Variants in DACH2 observed in about 807,000 individuals in gnomAD.
DACH2 encodes dachshund homolog 2.
In DACH2, 17 loss-of-function variants were observed where a neutral mutation model predicts 35.8. The ratio of observed to expected loss-of-function variants is 0.48; its 90% CI spans 0.33 to 0.71. The LOEUF is 0.71. Ranked by LOEUF, DACH2 falls within the 30% of genes least tolerant of loss-of-function variation. The pLI is 0.02. For synonymous variants in DACH2, 195 were observed against 177.3 expected, an observed-to-expected ratio of 1.10 and a Z score of -0.79; for missense variants, 469 against 472.7, an observed-to-expected ratio of 0.99 and a Z score of 0.07.
At chrX:86,224,397 A>G (rs1303358996) in intron 1 of DACH2, among the ~76,000 whole-genome samples, 2 of 111,717 alleles carry the variant, frequency 1.8e-5, no homozygotes, top group Non-Finnish European at 3.8e-5. Flanking sequence ...CTGATGGTTA[A>G]CACTGATGCA....
intron 5 of DACH2, among the ~76,000 whole-genome samples, chrX:86,698,445 G>T (rs184638405): frequency 9.4e-6 from 1 of 106,330 alleles, no homozygotes; most frequent in East Asian, 3.0e-4. Context: ...TGTAACGAAA[G>T]GAAGAGCACT....
intron 2 of DACH2, among the ~76,000 whole-genome samples, chrX:86,469,461 A>C (rs1466430476): frequency 9.0e-6 from 1 of 111,032 alleles, no homozygotes; most frequent in African/African-American, 3.3e-5. Context: ...AATATATATA[A>C]AATTTTACTT....
intron 5 of DACH2, among the ~76,000 whole-genome samples, chrX:86,710,711 A>G (rs775800099): frequency 2.7e-5 from 3 of 112,029 alleles, no homozygotes; most frequent in Non-Finnish European, 5.6e-5. Context: ...GCTAGAGTAC[A>G]GCATACAGAG....
At chrX:86,258,214 A>G (rs2033561051) in intron 1 of DACH2, among the ~76,000 whole-genome samples, 1 of 112,168 alleles carries the variant, frequency 8.9e-6, no homozygotes, top group African/African-American at 3.2e-5. Flanking sequence ...AATTTTTTAA[A>G]TCAGAAAGTT....
intron 2 of DACH2, among the ~76,000 whole-genome samples, chrX:86,477,918 C>T (rs2037873321): frequency 9.0e-6 from 1 of 111,124 alleles, no homozygotes; most frequent in South Asian, 3.8e-4. Flanking sequence ...CAACTTAATA[C>T]TGTTTGCTTA....
At position 86,464,442 on chromosome X, in the gene DACH2, T is replaced by A. The variant is rs765035134; in HGVS notation, c.528-49837T>A. 3.7e-3 allele frequency among the ~76,000 whole-genome samples: 408 copies of A among 111,137 alleles called. 6 individuals carry two copies. The highest frequency in any genetic ancestry group is 5.2e-3 in the Non-Finnish European group (275 of 53,066). On this transcript the variant is annotated intron_variant, in intron 2 of 11. Transcript: ENST00000373125. ...GAACAGAAAACCAAACACCGCATGT[T>A]CTCACTCATAAGTGGGAGTTGAACC...
intron 3 of DACH2, among the ~76,000 whole-genome samples, chrX:86,554,632 G>A (rs1294837254): frequency 9.0e-6 from 1 of 111,721 alleles, no homozygotes. Flanking sequence ...TTCTGACTCT[G>A]TTACGGCAAT....
At chrX:86,512,300 AT>A (rs34776310) in intron 2 of DACH2, among the ~76,000 whole-genome samples, 5,224 of 102,361 alleles carry the variant, frequency 0.051, 342 homozygotes, top group African/African-American at 0.17. Context: ...CTGTGAAACC[AT>A]TTTTTTTTTT....
At chrX:86,401,265 G>C (rs1397914876) in intron 2 of DACH2, among the ~76,000 whole-genome samples, 1 of 112,120 alleles carries the variant, frequency 8.9e-6, no homozygotes, top group Non-Finnish European at 1.9e-5. Context: ...CGATTTTCCA[G>C]GTGCCATCTG....
chrX:86,783,532 G>T (rs757195110), intron 7 of DACH2, among the ~76,000 whole-genome samples: 2 of 112,152 alleles, frequency 1.8e-5, no homozygotes, highest in African/African-American at 6.5e-5. Flanking sequence ...ACCAACAGAA[G>T]AATGGATGAA....
chrX:86,315,832 C>CAG lies in DACH2; in HGVS notation c.489-60991_489-60990insGA, dbSNP rs1195573552. On this transcript the variant is annotated intron_variant, in intron 1 of 11. Transcript: ENST00000373125. ...ACACACACACACACACACACACACA[C>CAG]ACACACACAGAGAGAGAGAGGGAGA... Among the ~76,000 whole-genome samples, 537 of 75,340 alleles carry CAG rather than the reference C, an allele frequency of 7.1e-3. 2 individuals are homozygous for CAG. Among genetic ancestry groups the CAG allele is most frequent in the Admixed American group, 0.012 (82 of 7,080 alleles). 65.4% of individuals were successfully genotyped at this position (75,340 alleles called of 115,157 possible).
intron 1 of DACH2, among the ~76,000 whole-genome samples, chrX:86,232,322 G>A (rs2032966469): frequency 1.8e-5 from 2 of 111,837 alleles, no homozygotes; most frequent in African/African-American, 3.3e-5. Flanking sequence ...GACACCAAAA[G>A]CAATTGCAAC....
At chrX:86,719,347 T>G (rs999497929) in intron 6 of DACH2, among the ~76,000 whole-genome samples, 1 of 112,141 alleles carries the variant, frequency 8.9e-6, no homozygotes, top group African/African-American at 3.2e-5. Context: ...TTTCTCAAAT[T>G]CAAAAGATAT....
intron 2 of DACH2, among the ~76,000 whole-genome samples, chrX:86,419,324 G>A (rs2036761853): frequency 8.9e-6 from 1 of 111,939 alleles, no homozygotes; most frequent in African/African-American, 3.2e-5. Flanking sequence ...CCGAGACTGG[G>A]ATATTTGCAA....
chrX:86,293,585 C>T (rs376295764), intron 1 of DACH2, among the ~76,000 whole-genome samples: 181 of 109,923 alleles, frequency 1.6e-3, no homozygotes, highest in South Asian at 3.7e-3. Context: ...CCATGTTTAG[C>T]GCTTCCTTCA....
intron 4 of DACH2, among the ~76,000 whole-genome samples, chrX:86,662,949 T>C (rs1389060086): frequency 1.8e-5 from 2 of 111,632 alleles, no homozygotes; most frequent in Non-Finnish European, 3.8e-5. Context: ...TATGTGATGA[T>C]AATGATAAAA....
intron 7 of DACH2, among the ~76,000 whole-genome samples, chrX:86,786,020 T>C (rs1281368893): frequency 3.6e-5 from 4 of 111,084 alleles, no homozygotes; most frequent in Admixed American, 9.6e-5. Flanking sequence ...ATCTATAACG[T>C]TATACATGAG....
In DACH2 at chrX:86,325,932, AT is replaced by A. The variant is rs59212594; in HGVS notation, c.489-50881del. 6.4e-4 allele frequency among the ~76,000 whole-genome samples: 68 copies of A among 105,946 alleles called. No homozygotes were observed. In the East Asian group the frequency reaches 9.8e-3, roughly 15 times the overall value. 92.0% of individuals were successfully genotyped at this position (105,946 alleles called of 115,157 possible). Reference sequence around the variant, plus strand: ...TAAATCAGTTTTTCTGAGCCTCAGGATTTTTTTTTTTATTTTTCATTTGGAT... The same window carrying A: ...TAAATCAGTTTTTCTGAGCCTCAGGATTTTTTTTTTATTTTTCATTTGGAT... On this transcript the variant is annotated intron_variant, in intron 1 of 11. Transcript: ENST00000373125.
At chrX:86,462,466 T>G (rs1239368184) in intron 2 of DACH2, among the ~76,000 whole-genome samples, 1 of 111,167 alleles carries the variant, frequency 9.0e-6, no homozygotes, top group Non-Finnish European at 1.9e-5. Flanking sequence ...GAGGAAAATT[T>G]TACAGTTGGC....
Sources: allele counts gnomAD v4.1 joint callset (sites outside exome capture counted in the v4.1 genomes callset), GRCh38; gene constraint gnomAD v4.1.1; transcripts MANE v1.5; gene names NCBI Gene and HGNC (gene_info 2026-07-23, HGNC 2026-07-21).